UNC79: variants seen among roughly 807,000 people sequenced by gnomAD.
The protein encoded by UNC79 is unc-79 subunit of NALCN channel complex.
A neutral mutation model predicts 283.1 loss-of-function variants in UNC79; 37 were observed. The ratio of observed to expected loss-of-function variants is 0.13; its 90% CI spans 0.10 to 0.17. The LOEUF is 0.17. Ranked by LOEUF, UNC79 falls within the 10% of genes least tolerant of loss-of-function variation. The pLI is 1.00. For synonymous variants in UNC79, 1,107 were observed against 1,200.2 expected, an observed-to-expected ratio of 0.92 and a Z score of 1.61; for missense variants, 2,272 against 3,211.1, an observed-to-expected ratio of 0.71 and a Z score of 7.07.
chr14:93,538,155 C>T (rs1255980607), exon 12 of UNC79: 19 of 1,613,914 alleles, frequency 1.2e-5, no homozygotes, highest in Non-Finnish European at 1.6e-5. Flanking sequence ...ACCTCTCCTC[C>T]GCCCATCAAC....
Position 93,577,984 on chromosome 14 carries a change from G to A in UNC79, c.2354G>A (p.Arg785Lys), listed in dbSNP as rs759402058. The A allele has an allele frequency of 6.2e-6, 10 of 1,614,076 alleles. No homozygotes were observed. In the African/African-American group the frequency reaches 1.1e-4, roughly 17 times the overall value. The change falls in exon 18 of 49, where the codon AGG becomes AAG. Residue 785 changes from arginine to lysine, a missense_variant. Physicochemically the swap from Arg to Lys is conservative, Grantham distance 26. Around this residue, in one of 11 missense-constraint regions of UNC79, gnomAD observed 356 missense variants for 416.2 expected, o/e 0.86. Coordinates refer to ENST00000555664, the Ensembl canonical transcript of UNC79. ...AAGAATTTTGGACACCCAGGAGGAA[G>A]GACTATTGACTTTGATTGTGAAGAT...
exon 22 of UNC79, chr14:93,586,895 A>G (rs750403247): frequency 1.9e-6 from 3 of 1,613,644 alleles, no homozygotes; most frequent in African/African-American, 1.3e-5. Flanking sequence ...TCAGGACCAC[A>G]TGTTGATTGC....
At chr14:93,614,303 A>T (rs143820353) in intron 27 of UNC79, among the ~76,000 whole-genome samples, 1 of 13,480 alleles carries the variant, frequency 7.4e-5, no homozygotes, top group East Asian at 5.5e-4. Flanking sequence ...TTTTATTTTT[A>T]TTTATTTATT....
chr14:93,384,428 A>G (rs973450087), intron 1 of UNC79, among the ~76,000 whole-genome samples: 1 of 152,094 alleles, frequency 6.6e-6, no homozygotes, highest in African/African-American at 2.4e-5. Context: ...TGTAGTTTTG[A>G]TTTGCATTTC....
chr14:93,506,925 A>T (rs944901415), intron 7 of UNC79, among the ~76,000 whole-genome samples: 8 of 152,182 alleles, frequency 5.3e-5, no homozygotes, highest in Admixed American at 5.2e-4. Context: ...CCCTTCTCTC[A>T]TTCTGAAGTG....
upstream of UNC79, among the ~76,000 whole-genome samples, chr14:93,426,274 G>A (rs185673823): frequency 1.6e-4 from 25 of 151,780 alleles, no homozygotes; most frequent in Non-Finnish European, 4.4e-5. Context: ...CCTTGTCTTT[G>A]TTTTTCAGCA....
rs36061117 is a variant in UNC79 at position 93,356,346 on chromosome 14, T to C, written c.-351+22823T>C. ...CCCAGCCACTTCTATTTCACTCTTG[T>C]AGGCTGCAACCCTTTGAGGTCTTAA... On this transcript the variant is annotated intron_variant, in intron 1 of 49. Transcript: ENST00000256339. 5.4e-3 allele frequency among the ~76,000 whole-genome samples: 825 copies of C among 152,314 alleles called. 7 individuals are homozygous for C. The highest frequency in any genetic ancestry group is 9.4e-3 in the Non-Finnish European group (637 of 68,016).
intron 1 of UNC79, among the ~76,000 whole-genome samples, chr14:93,357,272 C>T (rs995220047): frequency 2.0e-5 from 3 of 152,018 alleles, no homozygotes; most frequent in Admixed American, 6.6e-5. Flanking sequence ...TTATCCAGTC[C>T]ACCACTAATG....
At chr14:93,612,673 C>A in intron 26 of UNC79, 124 bp from the exon 28 acceptor site, 1 of 1,317,642 alleles carries the variant, frequency 7.6e-7, no homozygotes, top group Non-Finnish European at 1.0e-6. Context: ...TTCTTAAAGT[C>A]TGTCTGGAGC....
chr14:93,683,755 A>G (rs2074027565), intron 42 of UNC79, among the ~76,000 whole-genome samples: 1 of 152,168 alleles, frequency 6.6e-6, no homozygotes, highest in South Asian at 2.1e-4. Flanking sequence ...TCTGATAGCA[A>G]TCAATGAATT....
At chr14:93,660,285 G>A (rs1397381364) in intron 39 of UNC79, among the ~76,000 whole-genome samples, 1 of 151,982 alleles carries the variant, frequency 6.6e-6, no homozygotes, top group Non-Finnish European at 1.5e-5. Context: ...AACAGGCTCA[G>A]AGAGATGGAT....
chr14:93,694,904 G>A (rs1160576455), intron 47 of UNC79, among the ~76,000 whole-genome samples: 1 of 152,128 alleles, frequency 6.6e-6, no homozygotes, highest in Non-Finnish European at 1.5e-5. Context: ...GTCTGACATG[G>A]TATCTGGTGC....
chr14:93,690,228 C>A lies in UNC79; in HGVS notation c.7197C>A (p.Pro2399=). The change falls in exon 45 of 49, where the codon CCC becomes CCA. Residue 2399 remains proline (P), a synonymous_variant. Coordinates refer to ENST00000555664, the Ensembl canonical transcript of UNC79. This position sits in a 1 kb window ranked among gnomAD's most constrained non-coding sequence, Gnocchi z 4.3. ...CAAATGCCTCCTCTCCCTGCCTGCC[C>A]ATTCCTCTGGATGCAGGCTCCCACG... The A allele has an allele frequency of 6.2e-7, 1 of 1,614,180 alleles. No homozygotes were observed. The highest frequency in any genetic ancestry group is 8.5e-7 in the Non-Finnish European group (1 of 1,180,030).
At chr14:93,660,556 T>TAC (rs1416422261) in intron 39 of UNC79, among the ~76,000 whole-genome samples, 1 of 123,104 alleles carries the variant, frequency 8.1e-6, no homozygotes, top group Non-Finnish European at 1.6e-5. Flanking sequence ...TATATATATA[T>TAC]ATATATATGT....
chr14:93,537,648 C>T (rs61992643), intron 11 of UNC79, among the ~76,000 whole-genome samples: 27,130 of 152,086 alleles, frequency 0.18, 2,973 homozygotes, highest in Non-Finnish European at 0.25. Context: ...CTTTATATTT[C>T]TGCTGAAAAA....
At chr14:93,650,613 A>G (rs1026813374) in intron 35 of UNC79, among the ~76,000 whole-genome samples, 2 of 152,130 alleles carry the variant, frequency 1.3e-5, no homozygotes, top group East Asian at 3.8e-4. Context: ...GTCTGGTCAA[A>G]TCTTTTGAAT....
At chr14:93,612,545 G>A (rs1048344643) in intron 26 of UNC79, among the ~76,000 whole-genome samples, 7 of 152,216 alleles carry the variant, frequency 4.6e-5, no homozygotes, top group East Asian at 3.9e-4. Flanking sequence ...TTGCTTCATA[G>A]CACCCTATTT....
chr14:93,528,645 G>C, exon 9 of UNC79: 1 of 1,613,682 alleles, frequency 6.2e-7, no homozygotes, highest in South Asian at 1.1e-5. Context: ...GAGGATTGCA[G>C]GGTAGGTATA....
chr14:93,554,752 T>A (rs1316536242), intron 14 of UNC79, among the ~76,000 whole-genome samples: 2 of 152,250 alleles, frequency 1.3e-5, no homozygotes, highest in African/African-American at 2.4e-5. Flanking sequence ...TGGCTTAAAC[T>A]TTCAGTTATA....
Sources: gnomAD v4.1 joint callset for allele counts (sites outside exome capture counted in the v4.1 genomes callset) on GRCh38, gnomAD v4.1.1 for gene constraint, gnomAD v4.1.1 regional missense constraint, Gnocchi (gnomAD v3.1) non-coding constraint, MANE v1.5 for transcripts, NCBI Gene and HGNC (gene_info 2026-07-23, HGNC 2026-07-21) for gene names.